The following CUL1 variants were observed in gnomAD, a reference collection of about 807,000 sequenced individuals.
CUL1 encodes the protein cullin-1.
In CUL1, 24 loss-of-function variants were observed where a neutral mutation model predicts 118.0. The observed-to-expected ratio is 0.20, with a 90% CI of 0.15 to 0.29. The LOEUF is 0.29. CUL1 is among the 10% of genes least tolerant of loss of function. The probability of loss-of-function intolerance (pLI) is 1.00; values close to 1 mark genes in which losing one functional copy is unlikely to be tolerated. For synonymous variants in CUL1, 332 were observed against 340.4 expected, an observed-to-expected ratio of 0.98 and a Z score of 0.27; for missense variants, 361 against 933.8, an observed-to-expected ratio of 0.39 and a Z score of 7.99.
chr7:148,767,547 T>A, intron 8 of CUL1, 72 bp from the exon 9 acceptor site: 2 of 1,366,484 alleles, frequency 1.5e-6, no homozygotes, highest in Non-Finnish European at 1.0e-6. Context: ...CATCTCAGTA[T>A]AAATACATAA....
Position 148,698,999 on chromosome 7 carries a change from C to G in CUL1, c.-192C>G, listed in dbSNP as rs1190452316. 1 of 153,690 alleles carries G rather than the reference C, an allele frequency of 6.5e-6. No homozygotes were observed. The highest frequency in any genetic ancestry group is 2.4e-5 in the African/African-American group (1 of 41,270). 9.5% of individuals were successfully genotyped at this position (153,690 alleles called of 1,614,324 possible). ...GCCCAGGGACCAGGCGGAGGCGTCG[C>G]GGGAGCCTTTGGGGCACCACAGAGA... On this transcript the variant is annotated 5_prime_UTR_variant, in exon 1 of 22. Coordinates refer to ENST00000325222, the MANE Select transcript of CUL1 (RefSeq NM_003592.3).
chr7:148,701,073 G>A (rs1797706843), intron 1 of CUL1, among the ~76,000 whole-genome samples: 1 of 152,030 alleles, frequency 6.6e-6, no homozygotes, highest in Admixed American at 6.6e-5. Flanking sequence ...TTCCTCCAGC[G>A]CAGGAGATAT....
At chr7:148,789,944 G>A (rs562113287) in intron 15 of CUL1, 118 bp downstream of exon 15, 13 of 919,000 alleles carry the variant, frequency 1.4e-5, no homozygotes, top group Admixed American at 5.4e-5. Context: ...GCTGCATCAC[G>A]GTGAACCATG....
In CUL1 at chr7:148,760,913, G is replaced by C. The variant is rs181485455; in HGVS notation, c.789+417G>C. 2.5e-3 allele frequency among the ~76,000 whole-genome samples: 386 copies of C among 152,302 alleles called. 1 individual carries two copies. Among genetic ancestry groups the C allele is most frequent in the Non-Finnish European group, 2.5e-3 (173 of 68,022 alleles). On this transcript the variant is annotated intron_variant, in intron 7 of 21. Transcript: ENST00000325222. ...CTTTCATGATTATATTAGAGGAAAA[G>C]TTCTTCTGAAACTAGGCTTTAAATT... is the stretch of plus-strand genomic sequence containing the variant.
chr7:148,725,558 C>G (rs1257155957), intron 1 of CUL1, among the ~76,000 whole-genome samples: 1 of 152,180 alleles, frequency 6.6e-6, no homozygotes, highest in Non-Finnish European at 1.5e-5. Flanking sequence ...TCTGCCCCGT[C>G]TGCTTCCTCC....
intron 17 of CUL1, among the ~76,000 whole-genome samples, chr7:148,795,900 G>T (rs901587459): frequency 5.9e-5 from 9 of 151,402 alleles, no homozygotes; most frequent in African/African-American, 2.2e-4. Flanking sequence ...AGAGTTTTTT[G>T]ATATACTGTC....
intron 2 of CUL1, among the ~76,000 whole-genome samples, chr7:148,733,105 G>A (rs1798818527): frequency 6.6e-6 from 1 of 152,134 alleles, no homozygotes; most frequent in Admixed American, 6.5e-5. Context: ...GGTGAGGCGG[G>A]TCTTAAGGTT....
chr7:148,798,556 T>A lies in CUL1; in HGVS notation c.2031-16T>A. On this transcript the variant is annotated splice_polypyrimidine_tract_variant and intron_variant, in intron 19 of 21. Coordinates refer to ENST00000325222, the MANE Select transcript of CUL1 (RefSeq NM_003592.3). ...TTTAATATAATAGTGATCGGTTTCC[T>A]CATTTTTCTTGATAGTAAGAAATTA... The A allele has an allele frequency of 6.3e-7, 1 of 1,586,988 alleles. No homozygotes were observed. Among genetic ancestry groups the A allele is most frequent in the South Asian group, 1.1e-5 (1 of 90,460 alleles).
chr7:148,699,593 CGGTTCCCTGCCCGCGGCTCTCG>C (rs1188658870), intron 1 of CUL1, among the ~76,000 whole-genome samples: 1 of 152,198 alleles, frequency 6.6e-6, no homozygotes, highest in Non-Finnish European at 1.5e-5. Flanking sequence ...TCTCGCTTTC[CGGTTCCCTGCCCGCGGCTCTCG>C]GGTTCCCCGC....
intron 17 of CUL1, among the ~76,000 whole-genome samples, chr7:148,795,071 G>A (rs962238485): frequency 6.6e-6 from 1 of 152,028 alleles, no homozygotes; most frequent in Non-Finnish European, 1.5e-5. Context: ...GACCTCAAGT[G>A]ATCTGCCTGC....
chr7:148,792,293 T>A (rs1202064700), intron 16 of CUL1, among the ~76,000 whole-genome samples: 1 of 152,230 alleles, frequency 6.6e-6, no homozygotes, highest in African/African-American at 2.4e-5. Context: ...AAATATAATT[T>A]GATATTTGTG....
chr7:148,790,243 A>G lies in CUL1; in HGVS notation c.1675-67A>G. 3.9e-6 allele frequency: 6 copies of G among 1,547,078 alleles called. No homozygotes were observed. The South Asian group carries it at 5.6e-5, about 14-fold the overall frequency. On this transcript the variant is annotated intron_variant, in intron 15 of 21. Transcript: ENST00000325222. ...CTGTAAGCTTGGAACAGTGGGCTTT[A>G]CTTAGAAACGCTGCCTGTAGGATGT... is the stretch of plus-strand genomic sequence containing the variant.
intron 1 of CUL1, among the ~76,000 whole-genome samples, chr7:148,699,410 C>G (rs1797639470): frequency 6.6e-6 from 1 of 152,104 alleles, no homozygotes; most frequent in Non-Finnish European, 1.5e-5. Flanking sequence ...ACGTGTGGCC[C>G]GGGGCGGCTC....
At chr7:148,726,301 GC>G (rs1221413143) in intron 1 of CUL1, among the ~76,000 whole-genome samples, 2 of 151,946 alleles carry the variant, frequency 1.3e-5, no homozygotes, top group Non-Finnish European at 2.9e-5. Flanking sequence ...TTTTAACTTT[GC>G]TAGAGGATAA....
intron 1 of CUL1, among the ~76,000 whole-genome samples, chr7:148,711,837 T>C (rs1050191949): frequency 9.9e-5 from 15 of 152,160 alleles, no homozygotes; most frequent in African/African-American, 3.6e-4. Context: ...ATTTGGAAAT[T>C]AGTTGAAGAG....
intron 1 of CUL1, among the ~76,000 whole-genome samples, chr7:148,714,460 C>G (rs1402094267): frequency 6.6e-6 from 1 of 152,190 alleles, no homozygotes; most frequent in Non-Finnish European, 1.5e-5. Context: ...CTAACTGAGA[C>G]TTCGCACCTT....
chr7:148,722,312 C>T (rs534464738), intron 1 of CUL1, among the ~76,000 whole-genome samples: 109 of 152,200 alleles, frequency 7.2e-4, no homozygotes, highest in Non-Finnish European at 1.4e-3. Context: ...GCTACATCCT[C>T]GGATTGGGAC....
intron 2 of CUL1, among the ~76,000 whole-genome samples, chr7:148,730,602 G>C (rs1018926620): frequency 6.6e-6 from 1 of 152,180 alleles, no homozygotes. Context: ...GCAAGGTCCT[G>C]AGGTTCTCAG....
intron 8 of CUL1, 54 bp downstream of exon 8, chr7:148,766,777 T>TA (rs1800019846): frequency 1.4e-6 from 2 of 1,467,970 alleles, no homozygotes. Context: ...GTAGTTTTGA[T>TA]ATTGCTTTTG....
Sources: allele counts gnomAD v4.1 joint callset (sites outside exome capture counted in the v4.1 genomes callset), GRCh38; gene constraint gnomAD v4.1.1; transcripts MANE v1.5; gene names NCBI Gene and HGNC (gene_info 2026-07-23, HGNC 2026-07-21).